The following EYS variants were observed in gnomAD, a reference collection of about 807,000 sequenced individuals.
EYS encodes the protein protein eyes shut homolog.
EYS carries 250 observed loss-of-function variants against 282.1 expected under a neutral mutation model. The ratio of observed to expected loss-of-function variants is 0.89; its 90% CI spans 0.80 to 0.98. EYS has a LOEUF of 0.98. Ranked by LOEUF, EYS falls within the 50% of genes least tolerant of loss-of-function variation. The probability of loss-of-function intolerance (pLI) is 0.00; values close to 1 mark genes in which losing one functional copy is unlikely to be tolerated. For missense variants in EYS, 4,016 were observed against 3,709.0 expected (o/e 1.08, Z -2.15); for synonymous variants, 1,355 against 1,282.9 (o/e 1.06, Z -1.20).
chr6:63,727,521 G>A (rs1423962728), intron 41 of EYS, among the ~76,000 whole-genome samples: 1 of 149,634 alleles, frequency 6.7e-6, no homozygotes, highest in South Asian at 2.1e-4. Context: ...TCACCTGATC[G>A]TGTTGCCAAG....
chr6:65,121,895 T>C, intron 12 of EYS, among the ~76,000 whole-genome samples: 1 of 152,146 alleles, frequency 6.6e-6, no homozygotes, highest in East Asian at 1.9e-4. Context: ...TTTCTTATTA[T>C]TAGTCTTCCT....
intron 2 of EYS, among the ~76,000 whole-genome samples, chr6:65,603,524 C>G (rs567782640): frequency 1.3e-5 from 2 of 151,980 alleles, no homozygotes; most frequent in African/African-American, 4.8e-5. Flanking sequence ...TTTGAACCCC[C>G]TGTTACCTGA....
At chr6:64,120,852 T>A (rs908272387) in intron 31 of EYS, among the ~76,000 whole-genome samples, 8 of 152,342 alleles carry the variant, frequency 5.3e-5, no homozygotes, top group African/African-American at 1.9e-4. Flanking sequence ...GTTTCCATTT[T>A]CTAGGCCCAT....
chr6:65,500,458 T>G (rs1453221962), intron 2 of EYS, among the ~76,000 whole-genome samples: 1 of 152,016 alleles, frequency 6.6e-6, no homozygotes, highest in African/African-American at 2.4e-5. Flanking sequence ...GTAAACTCAG[T>G]AACTGGTCAG....
At chr6:64,142,752 G>A (rs956796309) in intron 31 of EYS, among the ~76,000 whole-genome samples, 12 of 152,130 alleles carry the variant, frequency 7.9e-5, no homozygotes, top group African/African-American at 2.9e-4. Context: ...ACTTCAAGCA[G>A]GAAATGATGA....
chr6:64,895,113 T>C (rs1364578330), intron 18 of EYS, among the ~76,000 whole-genome samples: 1 of 152,054 alleles, frequency 6.6e-6, no homozygotes, highest in Admixed American at 6.6e-5. Flanking sequence ...ATTCCAAACA[T>C]CCCTACTTAC....
intron 6 of EYS, among the ~76,000 whole-genome samples, chr6:65,404,810 A>G (rs1033123802): frequency 9.9e-5 from 15 of 151,998 alleles, no homozygotes; most frequent in African/African-American, 2.9e-4. Flanking sequence ...ATATGAATCT[A>G]AAATGAAAAG....
At chr6:65,573,979 G>A (rs1409688938) in intron 2 of EYS, among the ~76,000 whole-genome samples, 1 of 152,136 alleles carries the variant, frequency 6.6e-6, no homozygotes, top group African/African-American at 2.4e-5. Flanking sequence ...CACTGTGCAT[G>A]CCTATTCTGT....
At chr6:64,181,009 T>G (rs1562241180) in intron 31 of EYS, among the ~76,000 whole-genome samples, 1 of 152,164 alleles carries the variant, frequency 6.6e-6, no homozygotes, top group African/African-American at 2.4e-5. Flanking sequence ...CGTGTCCATG[T>G]GTACCCAATG....
chr6:65,198,642 G>A (rs1342756244), intron 12 of EYS, among the ~76,000 whole-genome samples: 2 of 152,060 alleles, frequency 1.3e-5, no homozygotes, highest in Non-Finnish European at 2.9e-5. Context: ...GAAGTGAGAA[G>A]CCCCTGGAAA....
At chr6:64,370,505 GT>G (rs1248434763) in intron 29 of EYS, among the ~76,000 whole-genome samples, 1 of 152,082 alleles carries the variant, frequency 6.6e-6, no homozygotes, top group Non-Finnish European at 1.5e-5. Flanking sequence ...TCTCTTCCAG[GT>G]TTTGGCATCA....
chr6:64,325,683 G>A (rs928672909), intron 29 of EYS, among the ~76,000 whole-genome samples: 2 of 152,048 alleles, frequency 1.3e-5, no homozygotes, highest in African/African-American at 4.8e-5. Context: ...AAGAAGTGAA[G>A]GGAGAAATAT....
chr6:64,577,754 A>T (rs997150330), intron 26 of EYS, among the ~76,000 whole-genome samples: 1 of 152,098 alleles, frequency 6.6e-6, no homozygotes, highest in Non-Finnish European at 1.5e-5. Context: ...GTAATAAGGA[A>T]TGTCATTATA....
intron 12 of EYS, among the ~76,000 whole-genome samples, chr6:65,175,919 T>G (rs1289908386): frequency 6.6e-6 from 1 of 151,454 alleles, no homozygotes; most frequent in African/African-American, 2.4e-5. Context: ...AGATGTTTAT[T>G]TTCCCCCAAA....
At chr6:65,409,127 T>C (rs1368562545) in intron 5 of EYS, among the ~76,000 whole-genome samples, 1 of 152,190 alleles carries the variant, frequency 6.6e-6, no homozygotes, top group Non-Finnish European at 1.5e-5. Context: ...TTGCCATGCC[T>C]ATTTGTCAAT....
At chr6:65,367,457 G>T (rs1375202182) in intron 8 of EYS, among the ~76,000 whole-genome samples, 1 of 151,418 alleles carries the variant, frequency 6.6e-6, no homozygotes, top group African/African-American at 2.4e-5. Context: ...TTCAGCACTA[G>T]TAAAGACATA....
At chr6:64,932,936 A>G (rs552645789) in intron 15 of EYS, among the ~76,000 whole-genome samples, 116 of 152,236 alleles carry the variant, frequency 7.6e-4, no homozygotes, top group Middle Eastern at 6.8e-3. Flanking sequence ...GGAAAGAGCA[A>G]GATTTGATTT....
At chr6:64,281,576 A>G (rs1475509668) in intron 30 of EYS, among the ~76,000 whole-genome samples, 1 of 152,108 alleles carries the variant, frequency 6.6e-6, no homozygotes, top group Non-Finnish European at 1.5e-5. Flanking sequence ...TCACTATTAA[A>G]GCACTGATAA....
chr6:64,298,061 C>A (rs1381146101), intron 30 of EYS, among the ~76,000 whole-genome samples: 1 of 151,748 alleles, frequency 6.6e-6, no homozygotes, highest in African/African-American at 2.4e-5. Flanking sequence ...TAACACTGGA[C>A]CTTCCTTGCT....
Sources: gnomAD v4.1 joint callset for allele counts (sites outside exome capture counted in the v4.1 genomes callset) on GRCh38, gnomAD v4.1.1 for gene constraint, MANE v1.5 for transcripts, NCBI Gene and HGNC (gene_info 2026-07-23, HGNC 2026-07-21) for gene names.